The following FANCD2 variants were observed in gnomAD, a reference collection of about 807,000 sequenced individuals.
FANCD2 encodes FA complementation group D2.
Under a neutral mutation model 192.3 loss-of-function variants are expected in FANCD2, and 131 were observed. The ratio of observed to expected loss-of-function variants is 0.68; its 90% CI spans 0.59 to 0.79. The LOEUF (loss-of-function observed/expected upper bound fraction) is 0.79, where lower values mean the gene tolerates loss of function less well. Among genes scored for constraint, FANCD2 ranks in the 30% least tolerant of loss-of-function variants. The probability of loss-of-function intolerance (pLI) is 0.00; values close to 1 mark genes in which losing one functional copy is unlikely to be tolerated. For missense variants in FANCD2, 1,508 were observed against 1,701.6 expected (o/e 0.89, Z 2.00); for synonymous variants, 524 against 612.5 (o/e 0.86, Z 2.13).
intron 38 of FANCD2, among the ~76,000 whole-genome samples, chr3:10,092,673 C>G (rs1056526862): frequency 1.3e-5 from 2 of 149,054 alleles, no homozygotes; most frequent in Non-Finnish European, 3.0e-5. Flanking sequence ...GTCTCTCCAC[C>G]TCTTTCATGT....
intron 43 of FANCD2, chr3:10,099,251 G>A: frequency 7.7e-7 from 1 of 1,305,380 alleles, no homozygotes; most frequent in Non-Finnish European, 9.8e-7. Context: ...TGCCACCTTA[G>A]AGAACTGAAA....
At chr3:10,039,659 G>A (rs1387229763) in intron 8 of FANCD2, 62 bp from the exon 9 acceptor site, 13 of 1,593,738 alleles carry the variant, frequency 8.2e-6, no homozygotes, top group Middle Eastern at 1.7e-4. Context: ...CATTTCACAC[G>A]TAGGTAGTCT....
intron 43 of FANCD2, 50 bp from the exon 44 acceptor site, chr3:10,101,138 A>T: frequency 7.2e-7 from 1 of 1,384,968 alleles, no homozygotes; most frequent in African/African-American, 1.4e-5. Flanking sequence ...TCCAGAGGTC[A>T]CCCAGAGCAG....
chr3:10,039,958 AC>A (rs2086824366), intron 9 of FANCD2, 113 bp downstream of exon 9: 17 of 1,208,100 alleles, frequency 1.4e-5, no homozygotes, highest in Non-Finnish European at 2.0e-5. Flanking sequence ...AGAGGATGAT[AC>A]CCCCCTTCAT....
chr3:10,061,605 A>G (rs1356296199), intron 19 of FANCD2, among the ~76,000 whole-genome samples: 2 of 152,228 alleles, frequency 1.3e-5, no homozygotes, highest in African/African-American at 4.8e-5. Context: ...AAGGGTTAGA[A>G]CAATGTTTAG....
chr3:10,081,635 C>G lies in FANCD2; in HGVS notation c.3224+171C>G, dbSNP rs34175149. 4.4e-6 allele frequency: 3 copies of G among 683,212 alleles called. No homozygotes were observed. In the African/African-American group the frequency reaches 5.3e-5, roughly 12 times the overall value. The allele number at this position is 683,212 out of a possible 1,614,324, so 42.3% of individuals were successfully genotyped here. ...CTGTATTATTTCATTTGATCTTGTACCCTCTGAGTCCTTTGGAGCCACTAT... is the reference window on the plus strand; with the variant it reads ...CTGTATTATTTCATTTGATCTTGTAGCCTCTGAGTCCTTTGGAGCCACTAT... On this transcript the variant is annotated intron_variant, in intron 32 of 43. Transcript: ENST00000675286.
intron 29 of FANCD2, among the ~76,000 whole-genome samples, chr3:10,076,962 G>T (rs1474420878): frequency 6.6e-6 from 1 of 152,130 alleles, no homozygotes; most frequent in Non-Finnish European, 1.5e-5. Context: ...CATTGGCCAG[G>T]CTGGTCTCAG....
chr3:10,075,406 C>T (rs995325811), intron 29 of FANCD2, among the ~76,000 whole-genome samples: 13 of 152,098 alleles, frequency 8.5e-5, no homozygotes, highest in African/African-American at 1.2e-4. Flanking sequence ...AGGATGGTCT[C>T]GATCTCCTGA....
intron 38 of FANCD2, among the ~76,000 whole-genome samples, chr3:10,092,526 G>A (rs778797472): frequency 6.9e-6 from 1 of 145,550 alleles, no homozygotes; most frequent in Non-Finnish European, 1.5e-5. Flanking sequence ...TTTTCACCTT[G>A]CCTTGGATCC....
chr3:10,049,051 T>C (rs1184173345), intron 16 of FANCD2, among the ~76,000 whole-genome samples: 1 of 151,912 alleles, frequency 6.6e-6, no homozygotes, highest in Non-Finnish European at 1.5e-5. Context: ...ACTGATCTTG[T>C]ACAACCTCAA....
intron 2 of FANCD2, 108 bp from the exon 3 acceptor site, chr3:10,032,724 A>G: frequency 2.1e-6 from 2 of 945,206 alleles, no homozygotes; most frequent in South Asian, 1.4e-5. Flanking sequence ...ATCCTAGTAT[A>G]ATTTTTAAGG....
At chr3:10,084,290 CT>C (rs112071263) in intron 32 of FANCD2, among the ~76,000 whole-genome samples, 44 of 142,788 alleles carry the variant, frequency 3.1e-4, no homozygotes, top group South Asian at 6.7e-4. Flanking sequence ...CTACACCTGG[CT>C]TTTTTTTTTT....
intron 18 of FANCD2, chr3:10,058,182 G>T: frequency 3.2e-6 from 1 of 313,712 alleles, no homozygotes. Flanking sequence ...CGCACGAAGA[G>T]ACCGTGGAGA....
At chr3:10,054,439 GTATATACATATATATATATA>G (rs2087331781) in intron 18 of FANCD2, among the ~76,000 whole-genome samples, 3 of 40,284 alleles carry the variant, frequency 7.4e-5, no homozygotes, top group African/African-American at 6.1e-4. Flanking sequence ...GTATATACAT[GTATATACATATATATATATA>G]TATATATATA....
chr3:10,101,375 C>CTAT lies in FANCD2; in HGVS notation c.*114_*115insATT. On this transcript the variant is annotated 3_prime_UTR_variant, in exon 44 of 44. Transcript: ENST00000675286. The stretch of plus-strand genomic sequence containing the variant: ...TTACTGGTAGGATCCTTTTTTGTTC[C>CTAT]TCTTTTTTTTTTTTTTTTTTTTTTT... 3.4e-6 allele frequency: 2 copies of CTAT among 581,586 alleles called. No individual in the cohort carries two copies. Among genetic ancestry groups the CTAT allele is most frequent in the Non-Finnish European group, 5.9e-6 (2 of 339,054 alleles). The allele number at this position is 581,586 out of a possible 1,614,324, so 36.0% of individuals were successfully genotyped here.
intron 41 of FANCD2, among the ~76,000 whole-genome samples, chr3:10,096,093 A>G (rs1694942225): frequency 6.6e-6 from 1 of 152,194 alleles, no homozygotes; most frequent in South Asian, 2.1e-4. Flanking sequence ...ATCGGCCAGT[A>G]AGAGGTTATG....
intron 2 of FANCD2, among the ~76,000 whole-genome samples, chr3:10,030,240 G>A (rs1443576709): frequency 6.6e-6 from 1 of 151,872 alleles, no homozygotes; most frequent in East Asian, 1.9e-4. Context: ...GGGATTACAT[G>A]TACATGCCAT....
At chr3:10,052,794 C>T (rs1218362075) in intron 18 of FANCD2, among the ~76,000 whole-genome samples, 1 of 150,980 alleles carries the variant, frequency 6.6e-6, no homozygotes, top group African/African-American at 2.4e-5. Flanking sequence ...TCATCACTGG[C>T]CATCAGAGAA....
intron 28 of FANCD2, among the ~76,000 whole-genome samples, chr3:10,074,050 A>T (rs955725857): frequency 6.6e-6 from 1 of 152,096 alleles, no homozygotes; most frequent in Non-Finnish European, 1.5e-5. Flanking sequence ...GGTTCAAGCG[A>T]TTCTCCTGCC....
Sources: allele counts gnomAD v4.1 joint callset (sites outside exome capture counted in the v4.1 genomes callset), GRCh38; gene constraint gnomAD v4.1.1; transcripts MANE v1.5; gene names NCBI Gene and HGNC (gene_info 2026-07-23, HGNC 2026-07-21).